Variants in RBL1 observed in about 807,000 individuals in gnomAD.
RBL1 encodes the protein retinoblastoma-like protein 1.
A neutral mutation model predicts 123.0 loss-of-function variants in RBL1; 82 were observed. The observed-to-expected ratio is 0.67, with a 90% CI of 0.56 to 0.80. The LOEUF (loss-of-function observed/expected upper bound fraction) is 0.80. Among genes scored for constraint, RBL1 ranks in the 30% least tolerant of loss-of-function variants. The probability of loss-of-function intolerance (pLI) is 0.00; values close to 1 mark genes in which losing one functional copy is unlikely to be tolerated. For synonymous variants in RBL1, 405 were observed against 441.3 expected (o/e 0.92, Z 1.03); for missense variants, 1,171 against 1,299.6 (o/e 0.90, Z 1.52).
chr20:37,020,678 T>G lies in RBL1; in HGVS notation c.2612A>C (p.Gln871Pro). 3 of 1,587,538 alleles carry G rather than the reference T, an allele frequency of 1.9e-6. No homozygotes were observed. Among genetic ancestry groups the G allele is most frequent in the Non-Finnish European group, 2.6e-6 (3 of 1,164,388 alleles). The change falls in exon 18 of 22, where the codon CAG (glutamine) becomes CCG (proline). Residue 871 changes from glutamine to proline, a missense_variant. Gln to Pro is a moderately conservative substitution (Grantham distance 76, BLOSUM62 -1). Transcript: ENST00000373664. Reference sequence around the variant, plus strand: ...ACTCACGTGACTATTAGCTTGGGGCTGATTCCTATAACTTTTCATAATTTC... The same window carrying G: ...ACTCACGTGACTATTAGCTTGGGGCGGATTCCTATAACTTTTCATAATTTC... ...FQEIMKSYRN[Q>P]PQANSHVYRS...
intron 9 of RBL1, among the ~76,000 whole-genome samples, chr20:37,059,244 A>G (rs1333335069): frequency 6.6e-6 from 1 of 152,116 alleles, no homozygotes; most frequent in Non-Finnish European, 1.5e-5. Context: ...CTTCTGAGCT[A>G]TTTCTGAGGC....
intron 2 of RBL1, among the ~76,000 whole-genome samples, chr20:37,082,674 T>C (rs1600600971): frequency 6.6e-6 from 1 of 152,332 alleles, no homozygotes. Flanking sequence ...ACTACTGACA[T>C]AGTATTTACA....
chr20:37,091,327 C>T (rs2065642534), intron 1 of RBL1, among the ~76,000 whole-genome samples: 1 of 151,008 alleles, frequency 6.6e-6, no homozygotes, highest in African/African-American at 2.4e-5. Flanking sequence ...CACTGCACTC[C>T]AGCCTGCGCA....
intron 20 of RBL1, among the ~76,000 whole-genome samples, chr20:37,005,346 C>A (rs979818228): frequency 6.7e-6 from 1 of 150,326 alleles, no homozygotes; most frequent in African/African-American, 2.5e-5. Context: ...GCAGAGGTTG[C>A]AGTGAGCTGA....
intron 2 of RBL1, among the ~76,000 whole-genome samples, chr20:37,078,082 G>C (rs1041953900): frequency 1.3e-5 from 2 of 152,076 alleles, no homozygotes; most frequent in African/African-American, 4.8e-5. Context: ...ATTTGGGTTT[G>C]TCTCATGCTT....
At chr20:37,080,255 C>G (rs1425933748) in intron 2 of RBL1, among the ~76,000 whole-genome samples, 1 of 151,598 alleles carries the variant, frequency 6.6e-6, no homozygotes, top group East Asian at 1.9e-4. Context: ...CCACTGGGTT[C>G]AAGCAATTTT....
At chr20:37,072,982 C>T (rs1403316286) in intron 2 of RBL1, among the ~76,000 whole-genome samples, 3 of 152,044 alleles carry the variant, frequency 2.0e-5, no homozygotes, top group Admixed American at 6.6e-5. Context: ...GATAGGGTCC[C>T]GCTCTGTCAC....
At chr20:37,085,213 C>T (rs1370096059) in intron 2 of RBL1, among the ~76,000 whole-genome samples, 2 of 150,268 alleles carry the variant, frequency 1.3e-5, no homozygotes, top group Non-Finnish European at 3.0e-5. Flanking sequence ...CTAGCTGCAA[C>T]CTTCGCCTCC....
chr20:37,047,776 T>C (rs1160611399), intron 11 of RBL1, among the ~76,000 whole-genome samples: 2 of 152,106 alleles, frequency 1.3e-5, no homozygotes, highest in Non-Finnish European at 1.5e-5. Context: ...GGTCAGGAGT[T>C]CAAGACCAGC....
intron 7 of RBL1, among the ~76,000 whole-genome samples, chr20:37,062,668 A>T (rs948927392): frequency 6.7e-6 from 1 of 150,338 alleles, no homozygotes; most frequent in African/African-American, 2.4e-5. Flanking sequence ...AAAAAAAAAA[A>T]AAATGGGCCA....
intron 9 of RBL1, among the ~76,000 whole-genome samples, chr20:37,057,032 C>CCTACCTACCTAT (rs1460104496): frequency 3.0e-4 from 45 of 151,820 alleles, no homozygotes; most frequent in Non-Finnish European, 1.9e-4. Flanking sequence ...TACCTACCTA[C>CCTACCTACCTAT]CTACCTACCT....
intron 16 of RBL1, among the ~76,000 whole-genome samples, chr20:37,031,905 C>CTT (rs763127111): frequency 7.7e-6 from 1 of 130,004 alleles, no homozygotes; most frequent in African/African-American, 2.8e-5. Flanking sequence ...TACCTGGCTG[C>CTT]TTTTTTTTTT....
At position 37,068,063 on chromosome 20, in the gene RBL1, T is replaced by C. The variant is rs774266980; in HGVS notation, c.414A>G (p.Lys138=). The C allele has an allele frequency of 6.2e-7, 1 of 1,613,534 alleles. No homozygotes were observed. The highest frequency in any genetic ancestry group is 2.2e-5 in the East Asian group (1 of 44,858). ...NFEVSTVIFK[K]YEPIFLDIFQ... Reference sequence around the variant, plus strand: ...ATATATCTAAAAAAATTGGCTCATATTTTTTGAATATTACAGTAGACACCT... The same window carrying C: ...ATATATCTAAAAAAATTGGCTCATACTTTTTGAATATTACAGTAGACACCT... Residue 138 remains lysine, a synonymous_variant, in exon 3 of 22, where the codon AAA becomes AAG. Transcript: ENST00000373664.
At chr20:37,047,314 G>T in intron 11 of RBL1, 124 bp from the exon 12 acceptor site, 1 of 1,155,142 alleles carries the variant, frequency 8.7e-7, no homozygotes, top group Non-Finnish European at 1.2e-6. Context: ...GATTACTGGA[G>T]ATAAAAATTT....
intron 2 of RBL1, among the ~76,000 whole-genome samples, chr20:37,079,204 A>G (rs1041300720): frequency 8.0e-5 from 8 of 99,454 alleles, no homozygotes; most frequent in Non-Finnish European, 1.3e-4. Context: ...TGTCTCAGCC[A>G]AAAAAAAAAA....
In RBL1 at chr20:37,067,033, C is replaced by G; in HGVS notation, c.645G>C (p.Met215Ile). 6.2e-6 allele frequency: 10 copies of G among 1,609,678 alleles called. No homozygotes were observed. The highest frequency in any genetic ancestry group is 7.6e-6 in the Non-Finnish European group (9 of 1,177,300). ...TTAGCAAGTCTTGTCTATTTGGGCA[C>G]ATAATCGCATTGGCAAAAATCAGAT... ...CLDLIFANAI[M>I]CPNRQDLLNP... Residue 215 changes from methionine to isoleucine, a missense_variant, in exon 5 of 22, where the codon ATG (methionine) becomes ATC (isoleucine). Transcript: ENST00000373664.
chr20:37,086,031 C>T (rs942628340), intron 2 of RBL1, among the ~76,000 whole-genome samples: 17 of 152,270 alleles, frequency 1.1e-4, no homozygotes, highest in African/African-American at 2.2e-4. Flanking sequence ...CTGCAACCTC[C>T]ACCTCCAAGG....
At position 37,013,398 on chromosome 20, in the gene RBL1, G is replaced by C. The variant is rs554078011; in HGVS notation, c.2722+4881C>G. On this transcript the variant is annotated intron_variant, in intron 19 of 21. Transcript: ENST00000373664. Reference sequence around the variant, plus strand: ...ACAGATGCTTGAAGGCAGCATGCTCGTTAAAAGTCATCACCACTCCCTAAT... The same window carrying C: ...ACAGATGCTTGAAGGCAGCATGCTCCTTAAAAGTCATCACCACTCCCTAAT... 3.3e-5 allele frequency among the ~76,000 whole-genome samples: 5 copies of C among 151,218 alleles called. No homozygotes were observed. In the East Asian group the frequency reaches 7.8e-4, roughly 23 times the overall value.
chr20:37,002,466 C>T (rs539807174), intron 21 of RBL1, among the ~76,000 whole-genome samples: 49 of 149,466 alleles, frequency 3.3e-4, no homozygotes, highest in African/African-American at 8.8e-4. Context: ...GCCTCAGCCT[C>T]CCAAGTAGCT....
Sources: gnomAD v4.1 joint callset for allele counts (sites outside exome capture counted in the v4.1 genomes callset) on GRCh38, gnomAD v4.1.1 for gene constraint, MANE v1.5 for transcripts, NCBI Gene and HGNC (gene_info 2026-07-23, HGNC 2026-07-21) for gene names.